MTMR12: variants seen among roughly 807,000 people sequenced by gnomAD.
The protein encoded by MTMR12 is myotubularin related protein 12.
A neutral mutation model predicts 96.7 loss-of-function variants in MTMR12; 33 were observed. The ratio of observed to expected loss-of-function variants is 0.34; its 90% CI spans 0.26 to 0.46. The LOEUF is 0.46. Ranked by LOEUF, MTMR12 falls within the 20% of genes least tolerant of loss-of-function variation. The pLI is 1.00. For synonymous variants in MTMR12, 298 were observed against 327.2 expected (o/e 0.91, Z 0.96); for missense variants, 721 against 896.1 (o/e 0.80, Z 2.49).
At chr5:32,247,606 T>C (rs956175677) in intron 10 of MTMR12, 20 of 446,718 alleles carry the variant, frequency 4.5e-5, no homozygotes, top group African/African-American at 3.8e-4. Context: ...AATTAAAGTA[T>C]TTCCACTTTG....
intron 10 of MTMR12, chr5:32,247,783 G>A: frequency 1.0e-6 from 1 of 985,360 alleles, no homozygotes; most frequent in South Asian, 4.7e-5. Context: ...GTGGCCGTGT[G>A]ATCACTGCCA....
At chr5:32,292,695 G>A (rs895487560) in intron 1 of MTMR12, among the ~76,000 whole-genome samples, 2 of 152,204 alleles carry the variant, frequency 1.3e-5, no homozygotes, top group African/African-American at 4.8e-5. Context: ...CAACAGCCCA[G>A]TCCAGGCAGG....
chr5:32,262,732 G>A (rs1224493175), intron 7 of MTMR12, among the ~76,000 whole-genome samples: 2 of 152,144 alleles, frequency 1.3e-5, no homozygotes, highest in Non-Finnish European at 2.9e-5. Flanking sequence ...CCACATTATG[G>A]AACATTACTT....
At chr5:32,246,720 T>C (rs1368598974) in intron 10 of MTMR12, among the ~76,000 whole-genome samples, 1 of 152,200 alleles carries the variant, frequency 6.6e-6, no homozygotes, top group Non-Finnish European at 1.5e-5. Context: ...CCGTAAACGT[T>C]TTCTAAAGCA....
At chr5:32,282,488 T>G (rs572081507) in intron 1 of MTMR12, among the ~76,000 whole-genome samples, 90 of 151,638 alleles carry the variant, frequency 5.9e-4, no homozygotes, top group African/African-American at 2.1e-3. Flanking sequence ...AAAATCATCA[T>G]GAGTATCTAA....
intron 11 of MTMR12, 94 bp from the exon 12 acceptor site, chr5:32,242,221 A>G: frequency 1.2e-6 from 1 of 814,942 alleles, no homozygotes; most frequent in Non-Finnish European, 1.9e-6. Context: ...CTTGATCTTC[A>G]GTCTTCTCTC....
At chr5:32,293,361 G>T (rs897774030) in intron 1 of MTMR12, among the ~76,000 whole-genome samples, 1 of 151,974 alleles carries the variant, frequency 6.6e-6, no homozygotes, top group Non-Finnish European at 1.5e-5. Context: ...GCAAAAAAAA[G>T]GTGAAAAGGC....
intron 1 of MTMR12, among the ~76,000 whole-genome samples, chr5:32,285,036 T>A (rs1750472956): frequency 6.6e-6 from 1 of 152,138 alleles, no homozygotes; most frequent in South Asian, 2.1e-4. Flanking sequence ...TAAACTAGAA[T>A]ATCTCAGTGG....
At chr5:32,241,957 C>CT in intron 12 of MTMR12, 100 bp downstream of exon 12, 1 of 949,534 alleles carries the variant, frequency 1.1e-6, no homozygotes. Context: ...TCTACACTAA[C>CT]TCACTCCTTT....
intron 1 of MTMR12, among the ~76,000 whole-genome samples, chr5:32,288,145 T>C (rs1163971073): frequency 6.6e-6 from 1 of 152,206 alleles, no homozygotes; most frequent in Non-Finnish European, 1.5e-5. Flanking sequence ...GTGTCTTTTG[T>C]TAAAGTGAAG....
At chr5:32,232,738 A>T (rs1748045162) in intron 15 of MTMR12, among the ~76,000 whole-genome samples, 1 of 152,194 alleles carries the variant, frequency 6.6e-6, no homozygotes, top group Non-Finnish European at 1.5e-5. Flanking sequence ...GAAAGGGGAA[A>T]CTCCACCCTG....
chr5:32,256,474 T>C (rs994315811), intron 7 of MTMR12, among the ~76,000 whole-genome samples: 9 of 152,232 alleles, frequency 5.9e-5, no homozygotes, highest in African/African-American at 2.2e-4. Context: ...CTTCAACTTC[T>C]ATAGGAGAAA....
chr5:32,251,205 G>A (rs1269860932), intron 8 of MTMR12, among the ~76,000 whole-genome samples: 12 of 151,840 alleles, frequency 7.9e-5, no homozygotes, highest in Admixed American at 2.0e-4. Flanking sequence ...ACAGGCGCCC[G>A]CCACTACGCC....
At chr5:32,261,285 T>C (rs1749353178) in intron 7 of MTMR12, among the ~76,000 whole-genome samples, 1 of 152,024 alleles carries the variant, frequency 6.6e-6, no homozygotes, top group Admixed American at 6.6e-5. Flanking sequence ...TCCCTCTCAC[T>C]GTCCTCCCAT....
intron 2 of MTMR12, 115 bp downstream of exon 2, chr5:32,276,567 T>C (rs1750057445): frequency 1.2e-6 from 1 of 838,846 alleles, no homozygotes; most frequent in Non-Finnish European, 1.9e-6. Flanking sequence ...AATTCATTAC[T>C]GTTATATGTG....
chr5:32,275,948 A>G (rs985258530), intron 2 of MTMR12, among the ~76,000 whole-genome samples: 8 of 152,230 alleles, frequency 5.3e-5, no homozygotes, highest in African/African-American at 1.7e-4. Flanking sequence ...AAAGCAACAG[A>G]ATAAAGCCTG....
intron 1 of MTMR12, among the ~76,000 whole-genome samples, chr5:32,309,440 TGA>T (rs1447889956): frequency 6.6e-6 from 1 of 152,146 alleles, no homozygotes; most frequent in Non-Finnish European, 1.5e-5. Context: ...ACCCACTGAA[TGA>T]GAGAAAATAT....
rs1393457468 is a variant in MTMR12 at position 32,274,125 on chromosome 5, G to A, written c.143-3C>T. 6.2e-7 allele frequency: 1 copy of A among 1,613,770 alleles called. No individual in the cohort carries two copies. Among genetic ancestry groups the A allele is most frequent in the Admixed American group, 1.7e-5 (1 of 59,970 alleles). ...GGCTTCACAAAGCAGCTGTTCACCT[G>A]GTAGAAACCAAAACAGGTCCTCCTT... On this transcript the variant is annotated splice_region_variant and splice_polypyrimidine_tract_variant and intron_variant, in intron 2 of 15. Transcript: ENST00000382142.
rs1443208012 is a variant in MTMR12, at chr5:32,271,814, G to A, written c.358+19C>T. 3.4e-6 allele frequency: 5 copies of A among 1,492,502 alleles called. No homozygotes were observed. In the Admixed American group the frequency reaches 1.0e-4, roughly 30 times the overall value. The allele number at this position is 1,492,502 out of a possible 1,614,324, so 92.5% of individuals were successfully genotyped here. A position where few individuals can be genotyped will look rare whatever the true frequency, so the allele number is the denominator to read the frequency against. On this transcript the variant is annotated intron_variant, in intron 4 of 15. Transcript: ENST00000382142. ...ACTCTCAAAGGTTGCCAACACCCCA[G>A]GGAAAAACAGATACTTACCTCCATA...
Sources: gnomAD v4.1 joint callset for allele counts (sites outside exome capture counted in the v4.1 genomes callset) on GRCh38, gnomAD v4.1.1 for gene constraint, MANE v1.5 for transcripts, NCBI Gene and HGNC (gene_info 2026-07-23, HGNC 2026-07-21) for gene names.